The following AMOTL1 variants were observed in gnomAD, a reference collection of about 807,000 sequenced individuals.
AMOTL1 encodes the protein angiomotin-like protein 1.
In AMOTL1, 45 loss-of-function variants were observed where a neutral mutation model predicts 102.9. The ratio of observed to expected loss-of-function variants is 0.44; its 90% CI spans 0.34 to 0.56. The LOEUF is 0.56. AMOTL1 is among the 20% of genes least tolerant of loss of function. The pLI, the probability that AMOTL1 is intolerant of heterozygous loss-of-function variation, is 0.01. For synonymous variants in AMOTL1, 481 were observed against 484.7 expected (o/e 0.99, Z 0.10); for missense variants, 1,114 against 1,225.6 (o/e 0.91, Z 1.36).
intron 11 of AMOTL1, among the ~76,000 whole-genome samples, chr11:94,867,448 G>A (rs1189652744): frequency 1.3e-5 from 2 of 152,214 alleles, no homozygotes; most frequent in Non-Finnish European, 2.9e-5. Flanking sequence ...CGTGCAGCCA[G>A]GCAGGCATCT....
chr11:94,792,853 G>A (rs192455072), intron 1 of AMOTL1, among the ~76,000 whole-genome samples: 4 of 152,138 alleles, frequency 2.6e-5, no homozygotes, highest in Admixed American at 1.3e-4. Flanking sequence ...TCTGTGCTCC[G>A]GCCCTGCTTC....
intron 8 of AMOTL1, 129 bp from the exon 9 acceptor site, chr11:94,859,396 T>A (rs1952729651): frequency 2.3e-6 from 2 of 876,348 alleles, no homozygotes; most frequent in Non-Finnish European, 3.3e-6. Flanking sequence ...ACAGAGGAAT[T>A]TGGAGGTGAA....
At chr11:94,788,332 C>G (rs1951226669) in intron 1 of AMOTL1, among the ~76,000 whole-genome samples, 1 of 152,230 alleles carries the variant, frequency 6.6e-6, no homozygotes, top group African/African-American at 2.4e-5. Context: ...TTTTAACCCC[C>G]TTCTCCTTAC....
At chr11:94,707,250 CTGTGTGTGTG>C (rs71459746) in intron 1 of AMOTL1, among the ~76,000 whole-genome samples, 2 of 71,712 alleles carry the variant, frequency 2.8e-5, no homozygotes, top group East Asian at 3.1e-4. Context: ...CTCTCTCTCT[CTGTGTGTGTG>C]TGTGTGTGTG....
rs57901982 is a variant in AMOTL1, at chr11:94,744,861, G to A, written c.136+3873G>A. Among the ~76,000 whole-genome samples the A allele has an allele frequency of 9.6e-3, 1,461 of 152,246 alleles. 24 individuals are homozygous for A. Among genetic ancestry groups the A allele is most frequent in the African/African-American group, 0.033 (1,370 of 41,544 alleles). On this transcript the variant is annotated intron_variant, in intron 3 of 4. Transcript: ENST00000299004. ...TAACAGAACCTGGTACAAAGTAAGTGCAAGATGAATGTTAGCTATTATATC... is the reference window on the plus strand; with the variant it reads ...TAACAGAACCTGGTACAAAGTAAGTACAAGATGAATGTTAGCTATTATATC...
At chr11:94,722,930 C>T (rs967705939) in intron 1 of AMOTL1, among the ~76,000 whole-genome samples, 9 of 152,100 alleles carry the variant, frequency 5.9e-5, no homozygotes, top group African/African-American at 1.9e-4. Flanking sequence ...AGCCACAAAC[C>T]AGATGAGAAC....
Position 94,871,023 on chromosome 11 carries a change from G to C in AMOTL1, c.*228G>C. 1 of 419,460 alleles carries C rather than the reference G, an allele frequency of 2.4e-6. No homozygotes were observed. Among genetic ancestry groups the C allele is most frequent in the South Asian group, 6.7e-5 (1 of 14,964 alleles). The allele number at this position is 419,460 out of a possible 1,614,324, so 26.0% of individuals were successfully genotyped here. On this transcript the variant is annotated 3_prime_UTR_variant, in exon 13 of 13. Transcript: ENST00000433060. ...TTACACATGGTGGAAGAGAGAAGAG[G>C]CGTGTAGGTTTGCAAACAAAGTTAA...
At chr11:94,770,460 T>C (rs902843528) in intron 1 of AMOTL1, among the ~76,000 whole-genome samples, 1 of 146,298 alleles carries the variant, frequency 6.8e-6, no homozygotes, top group African/African-American at 2.5e-5. Flanking sequence ...TGGTGGGGGT[T>C]GGGGGGAGGG....
At chr11:94,867,790 G>A (rs1409614661) in intron 11 of AMOTL1, among the ~76,000 whole-genome samples, 2 of 152,174 alleles carry the variant, frequency 1.3e-5, no homozygotes, top group Non-Finnish European at 2.9e-5. Context: ...CACTCCCTAC[G>A]AGGACATCCT....
At chr11:94,845,008 T>C (rs764943753) in intron 6 of AMOTL1, among the ~76,000 whole-genome samples, 1 of 152,170 alleles carries the variant, frequency 6.6e-6, no homozygotes, top group African/African-American at 2.4e-5. Flanking sequence ...ACAGGTTTGC[T>C]GTCCTCAGAA....
intron 1 of AMOTL1, among the ~76,000 whole-genome samples, chr11:94,770,253 C>T (rs942650896): frequency 6.6e-6 from 1 of 152,172 alleles, no homozygotes; most frequent in African/African-American, 2.4e-5. Flanking sequence ...TGCTCTGAGC[C>T]TTATAGTGTG....
rs1451671294 is a variant in AMOTL1, at chr11:94,821,497, A to G, written c.1122-33A>G. On this transcript the variant is annotated intron_variant, in intron 3 of 12. Coordinates refer to ENST00000433060, the MANE Select transcript of AMOTL1 (RefSeq NM_130847.3). Reference sequence around the variant, plus strand: ...TCCTTCCTGCTCCCACCATTTCCCCAGGCTCTAACTGCTGCCTTCCATTGC... The same window carrying G: ...TCCTTCCTGCTCCCACCATTTCCCCGGGCTCTAACTGCTGCCTTCCATTGC... 11 of 1,595,436 alleles carry G rather than the reference A, an allele frequency of 6.9e-6. No individual in the cohort carries two copies. The Middle Eastern group carries it at 8.3e-4, about 121-fold the overall frequency.
Position 94,799,627 on chromosome 11 carries a change from A to C in AMOTL1, c.437A>C (p.Gln146Pro), listed in dbSNP as rs1283646837. The part of the protein sequence containing the change: ...NNFSSTENLT[Q>P]EDPQMVYQSA... ...TTTTCTTCCACGGAAAACCTCACTC[A>C]AGAAGACCCACAAATGGTCTACCAG... Residue 146 changes from glutamine (Q) to proline (P), a missense_variant, in exon 3 of 13, where the codon CAA becomes CCA. Transcript: ENST00000433060. The surrounding 1 kb of genome is among the most constrained non-coding windows in gnomAD (Gnocchi z 4.5). 6.2e-7 allele frequency: 1 copy of C among 1,613,978 alleles called. No homozygotes were observed. Among genetic ancestry groups the C allele is most frequent in the Non-Finnish European group, 8.5e-7 (1 of 1,179,872 alleles).
rs995063116 is a variant in AMOTL1 at position 94,866,184 on chromosome 11, C to T, written c.2488+16C>T. 1 of 1,610,082 alleles carries T rather than the reference C, an allele frequency of 6.2e-7. No homozygotes were observed. The highest frequency in any genetic ancestry group is 1.3e-5 in the African/African-American group (1 of 74,852). On this transcript the variant is annotated intron_variant, in intron 11 of 12. Coordinates refer to ENST00000433060, the MANE Select transcript of AMOTL1 (RefSeq NM_130847.3). The stretch of plus-strand genomic sequence containing the variant: ...GGGAGCATAGGTGAGCCCCACACCT[C>T]TGTCAGACCATGATTGGAAAAGCAA...
rs780031312 is a variant in AMOTL1, at chr11:94,830,214, C to T, written c.1558+20C>T. ...TCCGAGGCAGGTTTATTCATGTTCT[C>T]TCTATCTAAACTACCTGTAGAGTTT... On this transcript the variant is annotated intron_variant, in intron 5 of 12. Coordinates refer to ENST00000433060, the MANE Select transcript of AMOTL1 (RefSeq NM_130847.3). 1.9e-6 allele frequency: 3 copies of T among 1,581,810 alleles called. 1 individual carries two copies. The highest frequency in any genetic ancestry group is 2.6e-6 in the Non-Finnish European group (3 of 1,166,860).
chr11:94,866,451 C>G (rs926058771), intron 11 of AMOTL1: 2 of 428,590 alleles, frequency 4.7e-6, no homozygotes, highest in Non-Finnish European at 8.6e-6. Context: ...ACAAAAGGCT[C>G]TCATAGAAAA....
chr11:94,740,765 C>T (rs1350542330), intron 2 of AMOTL1, among the ~76,000 whole-genome samples: 2 of 152,172 alleles, frequency 1.3e-5, no homozygotes, highest in African/African-American at 2.4e-5. Context: ...CGATTTGTCA[C>T]TCCCTGGGGA....
At chr11:94,859,486 G>A (rs1397170675) in intron 8 of AMOTL1, 39 bp from the exon 9 acceptor site, 3 of 1,569,012 alleles carry the variant, frequency 1.9e-6, no homozygotes, top group African/African-American at 1.3e-5. Flanking sequence ...CAGCATTGAT[G>A]TGGTTTTGAG....
chr11:94,725,819 T>C (rs1950248292), intron 1 of AMOTL1, among the ~76,000 whole-genome samples: 1 of 152,166 alleles, frequency 6.6e-6, no homozygotes. Context: ...TAATTGAGCA[T>C]TATATACCAT....
Sources: gnomAD v4.1 joint callset for allele counts (sites outside exome capture counted in the v4.1 genomes callset) on GRCh38, gnomAD v4.1.1 for gene constraint, Gnocchi (gnomAD v3.1) non-coding constraint, MANE v1.5 for transcripts, NCBI Gene and HGNC (gene_info 2026-07-23, HGNC 2026-07-21) for gene names.